The following KCNC2 variants were observed in gnomAD, a reference collection of about 807,000 sequenced individuals.
KCNC2 encodes the protein voltage-gated potassium channel KCNC2.
A neutral mutation model predicts 44.5 loss-of-function variants in KCNC2; 21 were observed. The ratio of observed to expected loss-of-function variants is 0.47; its 90% confidence interval spans 0.33 to 0.68. KCNC2 has a LOEUF of 0.68. Ranked by LOEUF, KCNC2 falls within the 30% of genes least tolerant of loss-of-function variation. The probability of loss-of-function intolerance (pLI) is 0.01; values close to 1 mark genes in which losing one functional copy is unlikely to be tolerated. For missense variants in KCNC2, 589 were observed against 826.2 expected, an observed-to-expected ratio of 0.71 and a Z score of 3.52; for synonymous variants, 391 against 339.1, an observed-to-expected ratio of 1.15 and a Z score of -1.68.
intron 2 of KCNC2, among the ~76,000 whole-genome samples, chr12:75,052,095 T>A (rs1250766463): frequency 6.6e-6 from 1 of 152,176 alleles, no homozygotes; most frequent in East Asian, 1.9e-4. Flanking sequence ...CACACACACC[T>A]ACCACCAACA....
chr12:75,052,283 T>G (rs779383500), intron 2 of KCNC2, among the ~76,000 whole-genome samples: 1 of 152,136 alleles, frequency 6.6e-6, no homozygotes, highest in Non-Finnish European at 1.5e-5. Context: ...AACTACAAAA[T>G]GATAAGCCTG....
In KCNC2 at chr12:75,207,160, C is replaced by T; in HGVS notation, c.687+137G>A. The T allele has an allele frequency of 7.0e-7, 1 of 1,427,516 alleles. No homozygotes were observed. The highest frequency in any genetic ancestry group is 9.2e-7 in the Non-Finnish European group (1 of 1,086,136). 88.4% of individuals were successfully genotyped at this position (1,427,516 alleles called of 1,614,324 possible). On this transcript the variant is annotated intron_variant, in intron 2 of 4. Coordinates refer to ENST00000549446, the MANE Select transcript of KCNC2 (RefSeq NM_139137.4). This position sits in a 1 kb window ranked among gnomAD's most constrained non-coding sequence, Gnocchi z 4.1. ...TGGGTTTACCCTGCAAAGGATGAGC[C>T]TCTAACTGTATCGCTAGGAAATCCC...
chr12:75,090,090 G>A (rs983136817), intron 2 of KCNC2, among the ~76,000 whole-genome samples: 1 of 151,610 alleles, frequency 6.6e-6, no homozygotes, highest in Non-Finnish European at 1.5e-5. Flanking sequence ...TGATTTGGGG[G>A]TGCTCCCTTA....
intron 1 of KCNC2, 37 bp from the exon 2 acceptor site, chr12:75,208,039 T>C: frequency 6.2e-6 from 10 of 1,604,052 alleles, no homozygotes; most frequent in Non-Finnish European, 8.5e-6. Flanking sequence ...GTTAAAGATC[T>C]TAGCCGTCAA....
chr12:75,094,259 C>T (rs1044863107), intron 2 of KCNC2, among the ~76,000 whole-genome samples: 1 of 151,626 alleles, frequency 6.6e-6, no homozygotes, highest in Non-Finnish European at 1.5e-5. Context: ...TCACCTGCTG[C>T]CCATACACTA....
intron 2 of KCNC2, among the ~76,000 whole-genome samples, chr12:75,089,220 C>A (rs1346754078): frequency 4.6e-5 from 7 of 151,710 alleles, no homozygotes; most frequent in Non-Finnish European, 8.9e-5. Flanking sequence ...TGTTAATATT[C>A]TATGAAAAAT....
intron 2 of KCNC2, among the ~76,000 whole-genome samples, chr12:75,131,904 C>T (rs915598527): frequency 1.3e-5 from 2 of 152,136 alleles, no homozygotes; most frequent in African/African-American, 4.8e-5. Flanking sequence ...GCCAGCTTTG[C>T]GTGGACTTCT....
rs1168781827 is a variant in KCNC2, at chr12:75,207,695, C to A, written c.289G>T (p.Gly97Cys). The A allele has an allele frequency of 3.1e-6, 5 of 1,594,842 alleles. No homozygotes were observed. The East Asian group carries it at 9.1e-5, about 29-fold the overall frequency. Reference sequence around the variant, plus strand: ...TCGAAGAAGAACTCGCGGCCGCCACCGGGATGGTCGCTGGCCCTGCCGCCG... The same window carrying A: ...TCGAAGAAGAACTCGCGGCCGCCACAGGGATGGTCGCTGGCCCTGCCGCCG... The part of the protein sequence containing the change: ...SRGGRASDHP[G>C]GGREFFFDRH... Residue 97 changes from glycine (G) to cysteine (C), a missense_variant, in exon 2 of 5, where the codon GGT (glycine) becomes TGT (cysteine). Physicochemically the swap from Gly to Cys is radical, Grantham distance 159. This residue lies in a region of KCNC2 where 148 missense variants were observed against 140.1 expected (regional missense o/e 1.06). Transcript: ENST00000549446. This position sits in a 1 kb window ranked among gnomAD's most constrained non-coding sequence, Gnocchi z 4.1.
chr12:75,084,055 A>G (rs1884741412), intron 2 of KCNC2, among the ~76,000 whole-genome samples: 1 of 151,922 alleles, frequency 6.6e-6, no homozygotes. Flanking sequence ...AGAGCCTTAT[A>G]CTCCTCTTGA....
chr12:75,150,722 T>C (rs1890330840), intron 2 of KCNC2, among the ~76,000 whole-genome samples: 1 of 151,940 alleles, frequency 6.6e-6, no homozygotes, highest in Admixed American at 6.6e-5. Flanking sequence ...ATCAAGATTT[T>C]ATAGTTACAT....
At chr12:75,118,883 T>A (rs1887857442) in intron 2 of KCNC2, among the ~76,000 whole-genome samples, 1 of 152,122 alleles carries the variant, frequency 6.6e-6, no homozygotes, top group Admixed American at 6.5e-5. Context: ...AGAGATTAAA[T>A]CTGACATCCC....
intron 2 of KCNC2, among the ~76,000 whole-genome samples, chr12:75,086,652 T>G (rs1885021072): frequency 1.2e-5 from 1 of 82,068 alleles, no homozygotes; most frequent in Non-Finnish European, 2.2e-5. Flanking sequence ...AAAAGCAAGT[T>G]CATTTGGCAA....
chr12:75,091,429 G>T (rs974361373), intron 2 of KCNC2, among the ~76,000 whole-genome samples: 1 of 151,676 alleles, frequency 6.6e-6, no homozygotes, highest in Non-Finnish European at 1.5e-5. Context: ...GCCTGTACTG[G>T]CAAGTCAATC....
rs191061912 is a variant in KCNC2, at chr12:75,148,775, A to G, written c.687+58522T>C. On this transcript the variant is annotated intron_variant, in intron 2 of 4. Transcript: ENST00000549446. ...AACATTGAAACTTTTTTGGCTTCAC[A>G]TTACCTAATATCTTTCTAGAAAAGT... Among the ~76,000 whole-genome samples, 504 of 152,038 alleles carry G rather than the reference A, an allele frequency of 3.3e-3. 2 individuals are homozygous for G. The highest frequency in any genetic ancestry group is 0.011 in the African/African-American group (465 of 41,546).
chr12:75,092,672 C>G (rs1056844017), intron 2 of KCNC2, among the ~76,000 whole-genome samples: 1 of 151,540 alleles, frequency 6.6e-6, no homozygotes, highest in Non-Finnish European at 1.5e-5. Flanking sequence ...AAACTCTAAA[C>G]AACACAAAAA....
chr12:75,042,537 C>T lies in KCNC2; in HGVS notation c.*568G>A. The T allele has an allele frequency of 7.1e-7, 1 of 1,411,242 alleles. No homozygotes were observed. The highest frequency in any genetic ancestry group is 9.2e-7 in the Non-Finnish European group (1 of 1,086,900). 87.4% of individuals were successfully genotyped at this position (1,411,242 alleles called of 1,614,324 possible). A position where few individuals can be genotyped will look rare whatever the true frequency, so the allele number is the denominator to read the frequency against. On this transcript the variant is annotated 3_prime_UTR_variant, in exon 5 of 5. Transcript: ENST00000549446. ...CCTCCCTGCCCCACAATTCAACATGCAGAACAGTCGACCAATGCTTTCATA... is the reference window on the plus strand; with the variant it reads ...CCTCCCTGCCCCACAATTCAACATGTAGAACAGTCGACCAATGCTTTCATA...
Position 75,207,112 on chromosome 12 carries a change from G to C in KCNC2, c.687+185C>G, listed in dbSNP as rs1189018029. 6.6e-6 allele frequency among the ~76,000 whole-genome samples: 1 copy of C among 152,202 alleles called. No homozygotes were observed. Among genetic ancestry groups the C allele is most frequent in the Non-Finnish European group, 1.5e-5 (1 of 68,034 alleles). ...AGGAGGAGGAGAAAGATGGGACTGG[G>C]TAGGGATGGTGGCCGGGGTCCCTGG... On this transcript the variant is annotated intron_variant, in intron 2 of 4. Transcript: ENST00000549446. This position sits in a 1 kb window ranked among gnomAD's most constrained non-coding sequence, Gnocchi z 4.1.
At position 75,207,221 on chromosome 12, in the gene KCNC2, G is replaced by A. The variant is rs2031757994; in HGVS notation, c.687+76C>T. ...TACCCCCCATGCCTGAGGCCCTGGG[G>A]TGGAAAAGAACAGAAAGTTGGGGAG... is the stretch of plus-strand genomic sequence containing the variant. On this transcript the variant is annotated intron_variant, in intron 2 of 4. Transcript: ENST00000549446. The surrounding 1 kb of genome is among the most constrained non-coding windows in gnomAD (Gnocchi z 4.1). 1 of 1,493,354 alleles carries A rather than the reference G, an allele frequency of 6.7e-7. No homozygotes were observed. The highest frequency in any genetic ancestry group is 1.4e-5 in the African/African-American group (1 of 69,982). 92.5% of individuals were successfully genotyped at this position (1,493,354 alleles called of 1,614,324 possible). A position where few individuals can be genotyped will look rare whatever the true frequency, so the allele number is the denominator to read the frequency against.
chr12:75,206,071 A>C (rs1194144554), intron 2 of KCNC2, among the ~76,000 whole-genome samples: 1 of 152,214 alleles, frequency 6.6e-6, no homozygotes, highest in Non-Finnish European at 1.5e-5. Context: ...ACGTCCACAG[A>C]CTTCCAAAGT....
Sources: gnomAD v4.1 joint callset for allele counts (sites outside exome capture counted in the v4.1 genomes callset) on GRCh38, gnomAD v4.1.1 for gene constraint, gnomAD v4.1.1 regional missense constraint, Gnocchi (gnomAD v3.1) non-coding constraint, MANE v1.5 for transcripts, NCBI Gene and HGNC (gene_info 2026-07-23, HGNC 2026-07-21) for gene names.